Variants in DOCK10 observed in about 807,000 individuals in gnomAD.
DOCK10 encodes the protein dedicator of cytokinesis 10.
DOCK10 carries 145 observed loss-of-function variants against 280.1 expected under a neutral mutation model. The ratio of observed to expected loss-of-function variants is 0.52; its 90% CI spans 0.45 to 0.59. The LOEUF (loss-of-function observed/expected upper bound fraction) is 0.59, where lower values mean the gene tolerates loss of function less well. Among genes scored for constraint, DOCK10 ranks in the 20% least tolerant of loss-of-function variants. The pLI is 0.00. For missense variants in DOCK10, 2,368 were observed against 2,651.7 expected (o/e 0.89, Z 2.35); for synonymous variants, 915 against 942.2 (o/e 0.97, Z 0.53).
At chr2:224,797,609 C>T (rs540776590) in intron 42 of DOCK10, among the ~76,000 whole-genome samples, 22 of 152,238 alleles carry the variant, frequency 1.4e-4, no homozygotes, top group Admixed American at 1.4e-3. Context: ...TGACCAGATG[C>T]TAATTGTCAC....
intron 1 of DOCK10, among the ~76,000 whole-genome samples, chr2:224,955,891 G>A (rs1044475504): frequency 6.6e-6 from 1 of 152,164 alleles, no homozygotes; most frequent in Admixed American, 6.5e-5. Context: ...TCTCATAAGG[G>A]CACCCATATG....
At chr2:224,878,566 G>A (rs1698779286) in intron 7 of DOCK10, among the ~76,000 whole-genome samples, 1 of 152,218 alleles carries the variant, frequency 6.6e-6, no homozygotes, top group Non-Finnish European at 1.5e-5. Flanking sequence ...TCTGTGGCCT[G>A]GGAGTTGTGG....
rs1159588646 is a variant in DOCK10 at position 224,849,503 on chromosome 2, T to C, written c.2235+4A>G. ...GCTGGGGGCAGTGGAGGGCTAGCTCTTACCTCATCTGAGAAATCCGGATTC... is the reference window on the plus strand; with the variant it reads ...GCTGGGGGCAGTGGAGGGCTAGCTCCTACCTCATCTGAGAAATCCGGATTC... On this transcript the variant is annotated splice_donor_region_variant and intron_variant, in intron 19 of 55. Transcript: ENST00000258390. The C allele has an allele frequency of 1.2e-6, 2 of 1,606,760 alleles. No homozygotes were observed. The highest frequency in any genetic ancestry group is 1.1e-5 in the South Asian group (1 of 89,428).
chr2:225,027,911 G>T (rs1212520873), intron 1 of DOCK10, among the ~76,000 whole-genome samples: 1 of 152,210 alleles, frequency 6.6e-6, no homozygotes, highest in African/African-American at 2.4e-5. Flanking sequence ...CACATAAGCA[G>T]AGGGTTAGAT....
chr2:224,809,671 G>C (rs10181351), intron 31 of DOCK10, among the ~76,000 whole-genome samples: 39,758 of 151,950 alleles, frequency 0.26, 8,371 homozygotes, highest in African/African-American at 0.59. Flanking sequence ...TTACCTCATA[G>C]TTTTTAGGAT....
At chr2:224,773,638 CTT>C (rs759735884) in intron 52 of DOCK10, among the ~76,000 whole-genome samples, 2 of 144,920 alleles carry the variant, frequency 1.4e-5, no homozygotes, top group African/African-American at 2.5e-5. Context: ...TTCTTTCTAT[CTT>C]TTTTTTTTTT....
At chr2:225,032,610 C>A (rs924967873) in intron 1 of DOCK10, among the ~76,000 whole-genome samples, 1 of 152,128 alleles carries the variant, frequency 6.6e-6, no homozygotes, top group African/African-American at 2.4e-5. Flanking sequence ...AATATTAGTT[C>A]TCCACATTTG....
intron 1 of DOCK10, among the ~76,000 whole-genome samples, chr2:224,981,439 T>C (rs1382071304): frequency 1.3e-5 from 2 of 152,240 alleles, no homozygotes; most frequent in Non-Finnish European, 2.9e-5. Context: ...TGAAGCCACC[T>C]AGACTTCAAT....
At chr2:224,942,555 T>C (rs1703156642) in intron 1 of DOCK10, among the ~76,000 whole-genome samples, 1 of 152,124 alleles carries the variant, frequency 6.6e-6, no homozygotes, top group African/African-American at 2.4e-5. Flanking sequence ...CAACGCCCTA[T>C]GAATGGTTGT....
rs73081817 is a variant in DOCK10, at chr2:224,921,288, A to T, written c.244-4504T>A. On this transcript the variant is annotated intron_variant, in intron 2 of 55. Transcript: ENST00000258390. ...TTGCACTCCAGCAATGTTGCTGGGC[A>T]ACAACAGCAAAACTCCATTTCAATA... is the stretch of plus-strand genomic sequence containing the variant. Among the ~76,000 whole-genome samples the T allele has an allele frequency of 3.8e-3, 576 of 150,472 alleles. 2 individuals carry two copies. Among genetic ancestry groups the T allele is most frequent in the African/African-American group, 0.01 (416 of 40,716 alleles).
chr2:224,826,174 G>A (rs1001817488), intron 27 of DOCK10, among the ~76,000 whole-genome samples: 5 of 152,038 alleles, frequency 3.3e-5, no homozygotes, highest in East Asian at 1.9e-4. Context: ...AGCAATTCTC[G>A]TGCCTCAGCC....
intron 1 of DOCK10, among the ~76,000 whole-genome samples, chr2:225,030,209 C>A (rs1266857125): frequency 1.3e-5 from 2 of 148,486 alleles, no homozygotes; most frequent in Admixed American, 6.7e-5. Flanking sequence ...GAAACCATTA[C>A]ATGAATGCCA....
chr2:224,836,992 C>T (rs1225079229), intron 25 of DOCK10, among the ~76,000 whole-genome samples: 1 of 151,818 alleles, frequency 6.6e-6, no homozygotes, highest in African/African-American at 2.4e-5. Flanking sequence ...GATGAAAAAG[C>T]TATGTCTCAA....
chr2:224,801,963 G>C lies in DOCK10; in HGVS notation c.4346C>G (p.Ala1449Gly). ...QTLPIIRGKN[A>G]LSNPKLLQML... ...CTGTAAGAGTTTGGGGTTAGAAAGT[G>C]CATTTTTGCCTCGAATTATAGGTAA... Residue 1449 changes from alanine (A) to glycine (G), a missense_variant, in exon 40 of 56, where the codon GCA (alanine) becomes GGA (glycine). Ala to Gly is a moderately conservative substitution (Grantham distance 60). This residue lies in a region of DOCK10 where 1,159 missense variants were observed against 1,400.8 expected (regional missense o/e 0.83). Transcript: ENST00000258390. The C allele has an allele frequency of 6.2e-7, 1 of 1,613,046 alleles. No individual in the cohort carries two copies. Among genetic ancestry groups the C allele is most frequent in the Non-Finnish European group, 8.5e-7 (1 of 1,179,246 alleles).
rs150216607 is a variant in DOCK10 at position 225,025,077 on chromosome 2, T to G, written c.123+17175A>C. Among the ~76,000 whole-genome samples, 194 of 152,196 alleles carry G rather than the reference T, an allele frequency of 1.3e-3. 1 individual carries two copies. Among genetic ancestry groups the G allele is most frequent in the Admixed American group, 0.011 (164 of 15,288 alleles). On this transcript the variant is annotated intron_variant, in intron 1 of 55. Transcript: ENST00000258390. ...GTAAATAAACGTTCTAGGAACTCAT[T>G]TATAGAAAAAGTAGAAAACAAGTAT... is the stretch of plus-strand genomic sequence containing the variant.
In DOCK10 at chr2:224,921,112, A is replaced by AATATATATAT. The variant is rs1201609470; in HGVS notation, c.244-4338_244-4329dup. On this transcript the variant is annotated intron_variant, in intron 2 of 55. Coordinates refer to ENST00000258390, the MANE Select transcript of DOCK10 (RefSeq NM_014689.3). ...TCTATTAAAAAAAAAAAAAAAAAAAAATATATATATATATATATATATAAT... is the reference window on the plus strand; with the variant it reads ...TCTATTAAAAAAAAAAAAAAAAAAAAATATATATATATATATATATATATATATATATAAT... Among the ~76,000 whole-genome samples, 53 of 54,388 alleles carry AATATATATAT rather than the reference A, an allele frequency of 9.7e-4. 2 individuals are homozygous for AATATATATAT. Among genetic ancestry groups the AATATATATAT allele is most frequent in the African/African-American group, 5.7e-3 (36 of 6,362 alleles). 35.7% of individuals were successfully genotyped at this position (54,388 alleles called of 152,430 possible). A position where few individuals can be genotyped will look rare whatever the true frequency, so the allele number is the denominator to read the frequency against.
chr2:224,810,238 A>T (rs1355315407), intron 31 of DOCK10, among the ~76,000 whole-genome samples: 1 of 152,162 alleles, frequency 6.6e-6, no homozygotes, highest in Non-Finnish European at 1.5e-5. Context: ...TATGCATGTA[A>T]CAAAATTACA....
At position 224,819,449 on chromosome 2, in the gene DOCK10, A is replaced by C. The variant is rs7572725; in HGVS notation, c.3264T>G (p.Leu1088=). The change falls in exon 29 of 56, where the codon CTT becomes CTG. Residue 1088 remains leucine, a synonymous_variant. Coordinates refer to ENST00000258390, the MANE Select transcript of DOCK10 (RefSeq NM_014689.3). Reference sequence around the variant, plus strand: ...CACTCCTGTACGTGGTTCTTACCTTAAGGTCACCGGAGGAGAACATGCTGA... The same window carrying C: ...CACTCCTGTACGTGGTTCTTACCTTCAGGTCACCGGAGGAGAACATGCTGA... ...NYISMFSSGD[L]KTLCQYKFDF... The C allele has an allele frequency of 6.3e-7, 1 of 1,598,736 alleles. No individual in the cohort carries two copies. Among genetic ancestry groups the C allele is most frequent in the African/African-American group, 1.3e-5 (1 of 74,188 alleles).
At chr2:224,803,971 G>A (rs1204844489) in intron 39 of DOCK10, 141 bp downstream of exon 39, 5 of 557,304 alleles carry the variant, frequency 9.0e-6, no homozygotes, top group Non-Finnish European at 1.6e-5. Context: ...CTTGAAATCT[G>A]CACTTGGTTT....
Sources: gnomAD v4.1 joint callset for allele counts (sites outside exome capture counted in the v4.1 genomes callset) on GRCh38, gnomAD v4.1.1 for gene constraint, gnomAD v4.1.1 regional missense constraint, MANE v1.5 for transcripts, NCBI Gene and HGNC (gene_info 2026-07-23, HGNC 2026-07-21) for gene names.